The following SKIC3 variants were observed in gnomAD, a reference collection of about 807,000 sequenced individuals.
The protein encoded by SKIC3 is SKI3 subunit of superkiller complex.
chr5:95,536,191 T>G, the SKIC3 span, among the ~76,000 whole-genome samples: 2 of 152,202 alleles, frequency 1.3e-5, no homozygotes, highest in African/African-American at 4.8e-5. Context: ...TACAAGAGCA[T>G]GAAGCATACA....
chr5:95,542,076 C>A, the SKIC3 span, among the ~76,000 whole-genome samples: 1 of 152,056 alleles, frequency 6.6e-6, no homozygotes, highest in Middle Eastern at 3.4e-3. Context: ...AATATAATAG[C>A]TGGGGGTCGG....
the SKIC3 span, among the ~76,000 whole-genome samples, chr5:95,517,513 T>G: frequency 6.6e-6 from 1 of 152,160 alleles, no homozygotes; most frequent in African/African-American, 2.4e-5. Flanking sequence ...AGGAAGGGAT[T>G]ACTTTAAGTG....
chr5:95,492,636 C>CAAAAAAAAA, the SKIC3 span, among the ~76,000 whole-genome samples: 4 of 14,124 alleles, frequency 2.8e-4, no homozygotes, highest in Non-Finnish European at 3.9e-4. Flanking sequence ...GACTCCGTCT[C>CAAAAAAAAA]AAAAAAAAAA....
chr5:95,505,118 C>T, the SKIC3 span, among the ~76,000 whole-genome samples: 2 of 152,120 alleles, frequency 1.3e-5, no homozygotes, highest in East Asian at 3.8e-4. Flanking sequence ...CTTGTATAAG[C>T]TCAACTGCCA....
the SKIC3 span, chr5:95,543,277 G>A: frequency 2.0e-5 from 33 of 1,613,830 alleles, no homozygotes; most frequent in Admixed American, 3.3e-5. Flanking sequence ...CTGCAGCAAC[G>A]CCAATAAAAA....
the SKIC3 span, among the ~76,000 whole-genome samples, chr5:95,497,922 G>A: frequency 6.6e-6 from 1 of 151,726 alleles, no homozygotes; most frequent in Admixed American, 6.6e-5. Flanking sequence ...AAAAGGAAAA[G>A]AGACTACAGA....
chr5:95,500,523 C>T, the SKIC3 span, among the ~76,000 whole-genome samples: 96 of 152,252 alleles, frequency 6.3e-4, no homozygotes, highest in African/African-American at 2.2e-3. Context: ...TTATTTTATA[C>T]ATCACTAACC....
the SKIC3 span, among the ~76,000 whole-genome samples, chr5:95,530,800 T>C: frequency 7.9e-5 from 12 of 152,230 alleles, no homozygotes; most frequent in Non-Finnish European, 8.8e-5. Flanking sequence ...ACTTATGAGA[T>C]AGTCATCCAA....
chr5:95,529,939 G>A, the SKIC3 span: 5 of 848,474 alleles, frequency 5.9e-6, no homozygotes, highest in East Asian at 1.3e-4. Flanking sequence ...CAGAGTCAGA[G>A]TTCAAACCTA....
chr5:95,513,679 T>G, the SKIC3 span: 1 of 1,577,572 alleles, frequency 6.3e-7, no homozygotes. Context: ...CTTAATGTGT[T>G]TAAAAGACAG....
At chr5:95,488,871 CTAAT>C in the SKIC3 span, among the ~76,000 whole-genome samples, 1 of 151,832 alleles carries the variant, frequency 6.6e-6, no homozygotes, top group African/African-American at 2.4e-5. Context: ...AAAAAATCAA[CTAAT>C]TAAACAACAG....
At chr5:95,521,104 G>A in the SKIC3 span, among the ~76,000 whole-genome samples, 1,761 of 151,918 alleles carry the variant, frequency 0.012, 34 homozygotes, top group African/African-American at 0.04. Context: ...TAAAACTTTG[G>A]CTACAAAAAA....
At chr5:95,517,032 A>G in the SKIC3 span, 28 of 1,613,544 alleles carry the variant, frequency 1.7e-5, no homozygotes, top group Non-Finnish European at 2.4e-5. Context: ...TTAGATGTAG[A>G]CATCAGTTTT....
At chr5:95,492,636 C>CAAAAAAAAAAAAAAAAAAAAAAA in the SKIC3 span, among the ~76,000 whole-genome samples, 1 of 14,106 alleles carries the variant, frequency 7.1e-5, no homozygotes. Flanking sequence ...GACTCCGTCT[C>CAAAAAAAAAAAAAAAAAAAAAAA]AAAAAAAAAA....
the SKIC3 span, chr5:95,543,256 T>C: frequency 7.4e-6 from 12 of 1,614,002 alleles, no homozygotes; most frequent in East Asian, 2.2e-4. Context: ...GATCAGGTTG[T>C]TCTAGTTCAG....
the SKIC3 span, chr5:95,468,111 T>A: frequency 7.9e-7 from 1 of 1,269,510 alleles, no homozygotes; most frequent in Non-Finnish European, 1.1e-6. Flanking sequence ...CTGATTATGA[T>A]TTTTTAATTC....
At chr5:95,554,515 T>C in the SKIC3 span, among the ~76,000 whole-genome samples, 17 of 152,270 alleles carry the variant, frequency 1.1e-4, no homozygotes, top group East Asian at 3.1e-3. Context: ...TTCGCTTATC[T>C]CCTTTGCTCT....
the SKIC3 span, chr5:95,541,941 C>T: frequency 7.2e-7 from 1 of 1,388,712 alleles, no homozygotes; most frequent in Non-Finnish European, 1.0e-6. Flanking sequence ...ATTCTTTTTC[C>T]TAAAACATTT....
the SKIC3 span, chr5:95,482,410 G>T: frequency 6.6e-7 from 1 of 1,520,588 alleles, no homozygotes; most frequent in Non-Finnish European, 9.1e-7. Flanking sequence ...GCATAGCCCT[G>T]ACATTAACTA....
Sources: allele counts gnomAD v4.1 joint callset (sites outside exome capture counted in the v4.1 genomes callset), GRCh38; gene constraint gnomAD v4.1.1; transcripts MANE v1.5; gene names NCBI Gene and HGNC (gene_info 2026-07-23, HGNC 2026-07-21).